Variants in FAM149A observed in about 807,000 individuals in gnomAD.
FAM149A encodes family with sequence similarity 149 member A.
FAM149A carries 71 observed loss-of-function variants against 78.2 expected under a neutral mutation model. The observed-to-expected ratio is 0.91, with a 90% confidence interval of 0.75 to 1.11. FAM149A has a LOEUF of 1.11. Ranked by LOEUF, FAM149A falls within the 50% of genes least tolerant of loss-of-function variation. The pLI is 0.00. For synonymous variants in FAM149A, 446 were observed against 410.5 expected (o/e 1.09, Z -1.04); for missense variants, 1,036 against 971.0 (o/e 1.07, Z -0.89).
intron 1 of FAM149A, chr4:186,117,976 G>C (rs2099314422): frequency 1.0e-6 from 1 of 985,314 alleles, no homozygotes; most frequent in Admixed American, 6.1e-5. Flanking sequence ...GGGGACCACA[G>C]AAGATGCGGG....
chr4:186,133,035 C>T (rs1195266047), intron 1 of FAM149A: 1 of 985,246 alleles, frequency 1.0e-6, no homozygotes, highest in East Asian at 1.1e-4. Flanking sequence ...CTCAGCACTG[C>T]TTAGGAATGT....
Position 186,164,472 on chromosome 4 carries a change from T to C in FAM149A, c.1889+839T>C. 2 of 985,430 alleles carry C rather than the reference T, an allele frequency of 2.0e-6. No individual in the cohort carries two copies. The highest frequency in any genetic ancestry group is 2.4e-6 in the Non-Finnish European group (2 of 829,916). 61.0% of individuals were successfully genotyped at this position (985,430 alleles called of 1,614,324 possible). ...GAGCGGGCGGCTGCCAACGCTTACC[T>C]GGCACCCAGACTTTTTCCAGATGCA... is the stretch of plus-strand genomic sequence containing the variant. On this transcript the variant is annotated intron_variant, in intron 10 of 13. Transcript: ENST00000389354. This position sits in a 1 kb window ranked among gnomAD's most constrained non-coding sequence, Gnocchi z 4.0.
rs1173541065 is a variant in FAM149A, at chr4:186,105,000, G to A, written c.-77G>A. 186 of 1,234,404 alleles carry A rather than the reference G, an allele frequency of 1.5e-4. 1 individual carries two copies. Among genetic ancestry groups the A allele is most frequent in the Non-Finnish European group, 1.8e-4 (178 of 964,668 alleles). The allele number at this position is 1,234,404 out of a possible 1,614,324, so 76.5% of individuals were successfully genotyped here. ...CGGGGACCTCAGGCTCCTCGCCCCG[G>A]CCCGGGCCGCCTCGGCCGGATCTCC... On this transcript the variant is annotated 5_prime_UTR_variant, in exon 1 of 14. Coordinates refer to ENST00000389354, the MANE Select transcript of FAM149A (RefSeq NM_001367768.3).
Position 186,163,586 on chromosome 4 carries a change from A to G in FAM149A, c.1842A>G (p.Leu614=), listed in dbSNP as rs1734786068. ...CTCTTGCTTCAGATTCACAGAGACT[A>G]AAAACTCCCAACATCTATAGTGACG... Residue 614 remains leucine, a synonymous_variant, in exon 10 of 14, where the codon CTA becomes CTG. Transcript: ENST00000389354. The G allele has an allele frequency of 6.2e-7, 1 of 1,613,998 alleles. No homozygotes were observed. Among genetic ancestry groups the G allele is most frequent in the African/African-American group, 1.3e-5 (1 of 74,924 alleles).
At position 186,163,391 on chromosome 4, in the gene FAM149A, G is replaced by A. The variant is rs200946519; in HGVS notation, c.1680-33G>A. 3.1e-5 allele frequency: 49 copies of A among 1,572,798 alleles called. No homozygotes were observed. The East Asian group carries it at 7.8e-4, about 25-fold the overall frequency. ...TGCGTTCCCTGTTATCACAGCACTCGCAGCTGAGTAGCTCACAGGATTTCC... is the reference window on the plus strand; with the variant it reads ...TGCGTTCCCTGTTATCACAGCACTCACAGCTGAGTAGCTCACAGGATTTCC... On this transcript the variant is annotated intron_variant, in intron 9 of 13. Transcript: ENST00000389354.
chr4:186,132,297 T>A, intron 1 of FAM149A: 1 of 843,898 alleles, frequency 1.2e-6, no homozygotes, highest in Non-Finnish European at 1.4e-6. Flanking sequence ...GAAATTGATT[T>A]AAAAGCTACA....
Position 186,164,307 on chromosome 4 carries a change from G to C in FAM149A, c.1889+674G>C, listed in dbSNP as rs531745074. The C allele has an allele frequency of 5.7e-6, 1 of 174,756 alleles. No homozygotes were observed. The highest frequency in any genetic ancestry group is 1.1e-5 in the Non-Finnish European group (1 of 88,692). The allele number at this position is 174,756 out of a possible 1,614,324, so 10.8% of individuals were successfully genotyped here. On this transcript the variant is annotated intron_variant, in intron 10 of 13. Transcript: ENST00000389354. The surrounding 1 kb of genome is among the most constrained non-coding windows in gnomAD (Gnocchi z 4.0). ...TCATACTATCCCAAATCTGAGATGA[G>C]GGAACAGGCTAAGCCTGCCGGAGAT...
chr4:186,109,677 C>A (rs2099310385), intron 1 of FAM149A: 1 of 983,214 alleles, frequency 1.0e-6, no homozygotes. Context: ...AAAGTGTTAT[C>A]TATGATTACT....
intron 8 of FAM149A, chr4:186,158,259 T>C: frequency 8.1e-7 from 1 of 1,240,294 alleles, no homozygotes; most frequent in East Asian, 5.2e-5. Context: ...CCATGTCTGC[T>C]GGTCCCAGGC....
At chr4:186,116,460 G>T (rs34338677) in intron 1 of FAM149A, 360,783 of 982,130 alleles carry the variant, frequency 0.37, 67,407 homozygotes, top group African/African-American at 0.48. Flanking sequence ...GACCATTACT[G>T]TCATTAAAGA....
chr4:186,162,984 T>G, intron 9 of FAM149A, 36 bp downstream of exon 9: 2 of 1,181,342 alleles, frequency 1.7e-6, no homozygotes, highest in Non-Finnish European at 2.5e-6. Context: ...ACCCAGCCTC[T>G]TCCCTGTGCT....
At chr4:186,112,003 T>C (rs1179787898) in intron 1 of FAM149A, among the ~76,000 whole-genome samples, 113 of 150,518 alleles carry the variant, frequency 7.5e-4, no homozygotes, top group African/African-American at 2.6e-3. Flanking sequence ...GCCATTTTCA[T>C]GATATTGATT....
chr4:186,151,998 T>G lies in FAM149A; in HGVS notation c.885T>G (p.Ser295Arg), dbSNP rs146640701. Residue 295 changes from serine (S) to arginine (R), a missense_variant, in exon 4 of 14, where the codon AGT (serine) becomes AGG (arginine). Ser to Arg is a moderately radical substitution (Grantham distance 110). This residue lies in a region of FAM149A where 716 missense variants were observed against 711.8 expected (regional missense o/e 1.01). Coordinates refer to ENST00000389354, the MANE Select transcript of FAM149A (RefSeq NM_001367768.3). The stretch of plus-strand genomic sequence containing the variant: ...GGAAAGTGAACCCTCAGACCCAGAG[T>G]CTGCTGGCCGAATGCGGGGAGTGGA... 2.0e-4 allele frequency: 320 copies of G among 1,613,882 alleles called. No homozygotes were observed. The African/African-American group carries it at 4.0e-3, about 20-fold the overall frequency.
chr4:186,130,301 A>ATG (rs2099320213), intron 1 of FAM149A: 3 of 49,536 alleles, frequency 6.1e-5, no homozygotes, highest in South Asian at 8.3e-4. Context: ...CTCTATATAT[A>ATG]TATATATATA....
At position 186,105,560 on chromosome 4, in the gene FAM149A, G is replaced by C. The variant is rs1250711664; in HGVS notation, c.484G>C (p.Ala162Pro). Residue 162 changes from alanine to proline, a missense_variant, in exon 1 of 14, where the codon GCT becomes CCT. Ala to Pro is a conservative substitution (Grantham distance 27). Coordinates refer to ENST00000389354, the MANE Select transcript of FAM149A (RefSeq NM_001367768.3). ...GCTCGGCGCCTGCGTGGCCCCCGGG[G>C]CTGGCCCCAGAACCCTGTTCCTTAC... The C allele has an allele frequency of 2.7e-6, 3 of 1,130,698 alleles. No homozygotes were observed. The highest frequency in any genetic ancestry group is 3.3e-6 in the Non-Finnish European group (3 of 917,960). The allele number at this position is 1,130,698 out of a possible 1,614,324, so 70.0% of individuals were successfully genotyped here.
At position 186,163,513 on chromosome 4, in the gene FAM149A, G is replaced by C. The variant is rs558393624; in HGVS notation, c.1769G>C (p.Gly590Ala). Reference sequence around the variant, plus strand: ...CTGGGACGGGCCTCAGACACTCATGGATTATCACCTTCTGCAAAGAAAACA... The same window carrying C: ...CTGGGACGGGCCTCAGACACTCATGCATTATCACCTTCTGCAAAGAAAACA... Residue 590 changes from glycine to alanine, a missense_variant, in exon 10 of 14, where the codon GGA (glycine) becomes GCA (alanine). This residue lies in a region of FAM149A where 716 missense variants were observed against 711.8 expected (regional missense o/e 1.01). Transcript: ENST00000389354. 5.0e-5 allele frequency: 81 copies of C among 1,614,160 alleles called. No homozygotes were observed. In the South Asian group the frequency reaches 8.2e-4, roughly 16 times the overall value.
At chr4:186,127,199 G>A in intron 1 of FAM149A, 1 of 970,956 alleles carries the variant, frequency 1.0e-6, no homozygotes, top group Non-Finnish European at 1.2e-6. Flanking sequence ...CATCACACTG[G>A]GAGTTTGAAA....
chr4:186,106,981 C>G (rs1440075887), intron 1 of FAM149A, among the ~76,000 whole-genome samples: 1 of 152,032 alleles, frequency 6.6e-6, no homozygotes, highest in Non-Finnish European at 1.5e-5. Flanking sequence ...AGAAAATAAG[C>G]AGTTAAGCAA....
intron 4 of FAM149A, among the ~76,000 whole-genome samples, chr4:186,152,604 G>T (rs1037026824): frequency 7.7e-5 from 11 of 143,668 alleles, no homozygotes; most frequent in African/African-American, 2.9e-4. Flanking sequence ...GAGTGCAGTG[G>T]CGCGATCTCA....
Sources: gnomAD v4.1 joint callset for allele counts (sites outside exome capture counted in the v4.1 genomes callset) on GRCh38, gnomAD v4.1.1 for gene constraint, gnomAD v4.1.1 regional missense constraint, Gnocchi (gnomAD v3.1) non-coding constraint, MANE v1.5 for transcripts, NCBI Gene and HGNC (gene_info 2026-07-23, HGNC 2026-07-21) for gene names.